Variants in EGFLAM observed in about 807,000 individuals in gnomAD.
The protein encoded by EGFLAM is EGF like, fibronectin type III and laminin G domains, also known as pikachurin.
A neutral mutation model predicts 113.1 loss-of-function variants in EGFLAM; 79 were observed. The observed-to-expected ratio is 0.70, with a 90% CI of 0.58 to 0.84. The LOEUF is 0.84. Among genes scored for constraint, EGFLAM ranks in the 40% least tolerant of loss-of-function variants. EGFLAM has a pLI of 0.00. For missense variants in EGFLAM, 1,265 were observed against 1,291.6 expected, an observed-to-expected ratio of 0.98 and a Z score of 0.32; for synonymous variants, 504 against 487.6, an observed-to-expected ratio of 1.03 and a Z score of -0.44.
At chr5:38,441,683 G>A (rs769653020) in intron 17 of EGFLAM, among the ~76,000 whole-genome samples, 14 of 151,962 alleles carry the variant, frequency 9.2e-5, no homozygotes, top group Non-Finnish European at 1.8e-4. Context: ...GGATAATCCT[G>A]AGTAAACAGA....
intron 1 of EGFLAM, among the ~76,000 whole-genome samples, chr5:38,311,403 C>T (rs962419487): frequency 3.9e-5 from 6 of 152,100 alleles, no homozygotes; most frequent in Admixed American, 1.3e-4. Flanking sequence ...TCTGTGAGTT[C>T]GACTTTTTAA....
intron 11 of EGFLAM, among the ~76,000 whole-genome samples, chr5:38,416,300 G>A (rs1378752660): frequency 6.6e-6 from 1 of 152,206 alleles, no homozygotes; most frequent in Non-Finnish European, 1.5e-5. Context: ...AGGAGAAACT[G>A]CTAAGAGAGA....
intron 1 of EGFLAM, among the ~76,000 whole-genome samples, chr5:38,261,770 A>G (rs1757506380): frequency 6.6e-6 from 1 of 152,038 alleles, no homozygotes; most frequent in African/African-American, 2.4e-5. Context: ...TACTGAAAGA[A>G]TTTTGGAAGC....
At chr5:38,345,788 T>C (rs1036260807) in intron 3 of EGFLAM, 5 of 152,242 alleles carry the variant, frequency 3.3e-5, no homozygotes, top group African/African-American at 1.2e-4. Flanking sequence ...AAGAGCATGT[T>C]CAGCATCTGC....
At chr5:38,314,492 T>C (rs1339040172) in intron 1 of EGFLAM, among the ~76,000 whole-genome samples, 2 of 152,194 alleles carry the variant, frequency 1.3e-5, no homozygotes, top group Non-Finnish European at 2.9e-5. Context: ...TTTGTTCTCC[T>C]TGCCTGTCTT....
At chr5:38,348,870 C>T (rs977409724) in intron 3 of EGFLAM, among the ~76,000 whole-genome samples, 1 of 152,096 alleles carries the variant, frequency 6.6e-6, no homozygotes, top group Admixed American at 6.5e-5. Flanking sequence ...AGCTCTGGAA[C>T]AGCAGTTCAC....
intron 12 of EGFLAM, among the ~76,000 whole-genome samples, chr5:38,423,191 G>T (rs1741890350): frequency 6.6e-6 from 1 of 152,136 alleles, no homozygotes; most frequent in Admixed American, 6.6e-5. Context: ...GATTGTGCTG[G>T]AGGAGTGTTC....
At position 38,465,258 on chromosome 5, in the gene EGFLAM, A is replaced by G. The variant is rs1743431206; in HGVS notation, c.*1272A>G. On this transcript the variant is annotated 3_prime_UTR_variant, in exon 22 of 22. Coordinates refer to ENST00000322350, the MANE Select transcript of EGFLAM (RefSeq NM_152403.4). ...CCCCAGAGACAGCTGGTTCACTGGC[A>G]GATCCCCATGATGGACTTACTAAGG... Among the ~76,000 whole-genome samples the G allele has an allele frequency of 6.6e-6, 1 of 152,218 alleles. No individual in the cohort carries two copies. The highest frequency in any genetic ancestry group is 2.1e-4 in the South Asian group (1 of 4,822).
At chr5:38,338,345 A>T (rs1396154280) in intron 2 of EGFLAM, among the ~76,000 whole-genome samples, 7 of 152,080 alleles carry the variant, frequency 4.6e-5, no homozygotes, top group African/African-American at 1.7e-4. Context: ...CCCTCATCCT[A>T]TTGTTTTCTG....
intron 1 of EGFLAM, among the ~76,000 whole-genome samples, chr5:38,273,769 A>G (rs2111725944): frequency 6.6e-6 from 1 of 152,360 alleles, no homozygotes; most frequent in East Asian, 1.9e-4. Context: ...TGGAATAAGT[A>G]TCTGCTTCAT....
intron 15 of EGFLAM, among the ~76,000 whole-genome samples, chr5:38,432,754 G>T (rs1026027617): frequency 6.6e-6 from 1 of 152,144 alleles, no homozygotes; most frequent in Non-Finnish European, 1.5e-5. Context: ...AAAAGTAGGG[G>T]CAAGGTCCAT....
At chr5:38,430,535 A>G (rs971265265) in intron 14 of EGFLAM, among the ~76,000 whole-genome samples, 3 of 152,208 alleles carry the variant, frequency 2.0e-5, no homozygotes, top group Admixed American at 2.0e-4. Context: ...TAAGGTTAGC[A>G]TTAGTTTCCT....
intron 1 of EGFLAM, among the ~76,000 whole-genome samples, chr5:38,307,338 T>A (rs920718430): frequency 6.6e-6 from 1 of 152,188 alleles, no homozygotes; most frequent in Non-Finnish European, 1.5e-5. Context: ...AGGGACCCAG[T>A]GGGAGGGAAT....
chr5:38,312,021 C>G (rs919918092), intron 1 of EGFLAM, among the ~76,000 whole-genome samples: 2 of 152,140 alleles, frequency 1.3e-5, no homozygotes, highest in Admixed American at 6.5e-5. Flanking sequence ...CTGTAACCAT[C>G]GTCATTTAAT....
At chr5:38,318,414 T>C (rs1182504559) in intron 1 of EGFLAM, among the ~76,000 whole-genome samples, 1 of 151,344 alleles carries the variant, frequency 6.6e-6, no homozygotes, top group Non-Finnish European at 1.5e-5. Context: ...GATAGCTAGA[T>C]AGTATAGTAT....
At chr5:38,352,094 A>G (rs1739642129) in intron 4 of EGFLAM, 102 bp from the exon 5 acceptor site, 3 of 1,539,014 alleles carry the variant, frequency 1.9e-6, no homozygotes, top group South Asian at 1.2e-5. Context: ...TATGTATTAT[A>G]TTAAACGTCT....
At chr5:38,294,449 T>C (rs907691340) in intron 1 of EGFLAM, among the ~76,000 whole-genome samples, 1 of 152,204 alleles carries the variant, frequency 6.6e-6, no homozygotes, top group Non-Finnish European at 1.5e-5. Context: ...TCCTTCCATT[T>C]TGGGGCAGGA....
At chr5:38,427,384 G>A (rs1269045932) in intron 14 of EGFLAM, 132 bp downstream of exon 14, 4 of 1,419,532 alleles carry the variant, frequency 2.8e-6, no homozygotes, top group Middle Eastern at 2.6e-4. Context: ...TCTGAAACTT[G>A]TCCTGACTTG....
At chr5:38,338,543 A>C (rs1739246450) in intron 2 of EGFLAM, among the ~76,000 whole-genome samples, 155 bp from the exon 3 acceptor site, 1 of 151,858 alleles carries the variant, frequency 6.6e-6, no homozygotes. Flanking sequence ...CCCCCACCCA[A>C]CCCAAGTAGG....
Sources: allele counts gnomAD v4.1 joint callset (sites outside exome capture counted in the v4.1 genomes callset), GRCh38; gene constraint gnomAD v4.1.1; transcripts MANE v1.5; gene names NCBI Gene and HGNC (gene_info 2026-07-23, HGNC 2026-07-21).